BICC1: variants seen among roughly 807,000 people sequenced by gnomAD.
The protein encoded by BICC1 is BicC family RNA binding protein 1, also known as protein bicaudal C homolog 1.
BICC1 carries 43 observed loss-of-function variants against 111.0 expected under a neutral mutation model. That is an observed-to-expected ratio of 0.39 (90% CI 0.30 to 0.50). BICC1 has a LOEUF of 0.50. Among genes scored for constraint, BICC1 ranks in the 20% least tolerant of loss-of-function variants. The pLI is 0.88. For missense variants in BICC1, 1,091 were observed against 1,203.2 expected (o/e 0.91, Z 1.38); for synonymous variants, 467 against 434.4 (o/e 1.07, Z -0.93).
At chr10:58,706,008 A>G (rs1840375907) in intron 3 of BICC1, among the ~76,000 whole-genome samples, 1 of 152,222 alleles carries the variant, frequency 6.6e-6, no homozygotes, top group South Asian at 2.1e-4. Context: ...CAACAAAGCA[A>G]TATTTGATAT....
chr10:58,756,281 C>T (rs1468104855), intron 3 of BICC1, among the ~76,000 whole-genome samples: 3 of 152,076 alleles, frequency 2.0e-5, no homozygotes, highest in Non-Finnish European at 2.9e-5. Context: ...TGCATTTCCA[C>T]GTAGACTGCG....
Position 58,737,920 on chromosome 10 carries a change from CTTG to C in BICC1, c.307+35781_307+35783del, listed in dbSNP as rs1043096734. On this transcript the variant is annotated intron_variant, in intron 3 of 20. Coordinates refer to ENST00000373886, the MANE Select transcript of BICC1 (RefSeq NM_001080512.3). ...AGTGTCTGTTCATATCCTTCGCCCACTTGTTGGTGGGGTTGTTTGATTTTTTCT... is the reference window on the plus strand; with the variant it reads ...AGTGTCTGTTCATATCCTTCGCCCACTTGGTGGGGTTGTTTGATTTTTTCT... 6.6e-5 allele frequency among the ~76,000 whole-genome samples: 10 copies of C among 152,278 alleles called. No individual in the cohort carries two copies. The East Asian group carries it at 9.7e-4, about 15-fold the overall frequency.
intron 3 of BICC1, among the ~76,000 whole-genome samples, chr10:58,740,704 A>G (rs1026951113): frequency 6.6e-6 from 1 of 152,224 alleles, no homozygotes; most frequent in Non-Finnish European, 1.5e-5. Context: ...GTTTAAAACA[A>G]AGTGTCATGG....
chr10:58,620,238 T>A (rs1283716180), intron 1 of BICC1, among the ~76,000 whole-genome samples: 1 of 152,248 alleles, frequency 6.6e-6, no homozygotes, highest in Non-Finnish European at 1.5e-5. Flanking sequence ...GGGCTACCAT[T>A]TATCTATAAA....
intron 2 of BICC1, among the ~76,000 whole-genome samples, chr10:58,686,154 G>T (rs1346717003): frequency 2.0e-5 from 3 of 152,156 alleles, no homozygotes; most frequent in Non-Finnish European, 4.4e-5. Context: ...GAAATTCTGG[G>T]TTGAAAATTC....
chr10:58,666,617 A>G (rs1381667276), intron 2 of BICC1, among the ~76,000 whole-genome samples: 2 of 152,172 alleles, frequency 1.3e-5, no homozygotes, highest in African/African-American at 4.8e-5. Flanking sequence ...AAGTGTATAT[A>G]TGCTGGAAAT....
chr10:58,816,156 T>C (rs1300594045), intron 18 of BICC1, among the ~76,000 whole-genome samples: 3 of 152,218 alleles, frequency 2.0e-5, no homozygotes, highest in Non-Finnish European at 2.9e-5. Context: ...ATAAATTATA[T>C]GGGCAGCCTT....
intron 2 of BICC1, among the ~76,000 whole-genome samples, chr10:58,682,921 C>T (rs949417890): frequency 1.1e-4 from 17 of 152,176 alleles, no homozygotes; most frequent in African/African-American, 2.4e-4. Flanking sequence ...GCTTTTGTTG[C>T]CATTGCTTTG....
intron 2 of BICC1, among the ~76,000 whole-genome samples, chr10:58,621,942 AAT>A (rs1367316645): frequency 2.3e-5 from 3 of 133,228 alleles, no homozygotes; most frequent in African/African-American, 8.5e-5. Flanking sequence ...AATAGAATAG[AAT>A]AGAATAGAAT....
chr10:58,556,986 C>T (rs1190148839), intron 1 of BICC1, among the ~76,000 whole-genome samples: 2 of 152,004 alleles, frequency 1.3e-5, no homozygotes, highest in Admixed American at 6.6e-5. Context: ...AATGTTACCT[C>T]GCGTTGTAAA....
At chr10:58,789,173 A>G (rs1192960218) in intron 6 of BICC1, 89 bp from the exon 7 acceptor site, 3 of 1,131,634 alleles carry the variant, frequency 2.7e-6, no homozygotes, top group East Asian at 2.4e-5. Flanking sequence ...TTTAAAATCT[A>G]TCTTCAGAAA....
intron 2 of BICC1, among the ~76,000 whole-genome samples, chr10:58,661,560 G>A (rs1227905035): frequency 6.6e-6 from 1 of 152,134 alleles, no homozygotes; most frequent in African/African-American, 2.4e-5. Flanking sequence ...AGATTGTTAA[G>A]TTGGTTGCTA....
intron 3 of BICC1, among the ~76,000 whole-genome samples, chr10:58,725,293 G>A (rs1303223231): frequency 1.3e-5 from 2 of 152,130 alleles, no homozygotes; most frequent in Admixed American, 1.3e-4. Context: ...TAGCCTGATC[G>A]TTCCATCTGT....
chr10:58,694,252 T>C (rs1001814546), intron 2 of BICC1, among the ~76,000 whole-genome samples: 1 of 152,186 alleles, frequency 6.6e-6, no homozygotes, highest in Non-Finnish European at 1.5e-5. Context: ...TTTTGTAAAA[T>C]GCCACGTGGT....
chr10:58,654,077 A>G (rs1479585589), intron 2 of BICC1, among the ~76,000 whole-genome samples: 9 of 141,672 alleles, frequency 6.4e-5, no homozygotes, highest in African/African-American at 1.3e-4. Context: ...AATCCAGTCT[A>G]TCATTGTTGG....
intron 3 of BICC1, among the ~76,000 whole-genome samples, chr10:58,753,465 G>T (rs1049963966): frequency 6.6e-6 from 1 of 152,010 alleles, no homozygotes; most frequent in Admixed American, 6.6e-5. Context: ...CACCACGCCT[G>T]GTCAGTTTAC....
At chr10:58,538,781 G>A (rs985877491) in intron 1 of BICC1, among the ~76,000 whole-genome samples, 7 of 151,874 alleles carry the variant, frequency 4.6e-5, no homozygotes, top group African/African-American at 1.7e-4. Flanking sequence ...GACATGAATA[G>A]ACAGTTTTCA....
chr10:58,734,872 G>A (rs1422075861), intron 3 of BICC1, among the ~76,000 whole-genome samples: 1 of 152,112 alleles, frequency 6.6e-6, no homozygotes, highest in African/African-American at 2.4e-5. Flanking sequence ...TGCAAGAGCA[G>A]CAGAAAGAGT....
Position 58,829,931 on chromosome 10 carries a change from A to T in BICC1, c.*1040A>T, listed in dbSNP as rs957675511. On this transcript the variant is annotated 3_prime_UTR_variant, in exon 21 of 21. Transcript: ENST00000373886. Reference sequence around the variant, plus strand: ...GGAGCCCGAGATTGTCACTTTATTTAAAAAGACAAATAATCATCTGACAAG... The same window carrying T: ...GGAGCCCGAGATTGTCACTTTATTTTAAAAGACAAATAATCATCTGACAAG... The T allele has an allele frequency of 6.6e-6, 1 of 152,196 alleles. No individual in the cohort carries two copies. 9.4% of individuals were successfully genotyped at this position (152,196 alleles called of 1,614,324 possible).
Sources: gnomAD v4.1 joint callset for allele counts (sites outside exome capture counted in the v4.1 genomes callset) on GRCh38, gnomAD v4.1.1 for gene constraint, MANE v1.5 for transcripts, NCBI Gene and HGNC (gene_info 2026-07-23, HGNC 2026-07-21) for gene names.